Variants in EXOC4 observed in about 807,000 individuals in gnomAD.
The protein encoded by EXOC4 is SEC8-like 1.
EXOC4 carries 71 observed loss-of-function variants against 107.2 expected under a neutral mutation model. The ratio of observed to expected loss-of-function variants is 0.66; its 90% CI spans 0.55 to 0.81. EXOC4 has a LOEUF of 0.81. EXOC4 is among the 30% of genes least tolerant of loss of function. The pLI is 0.00. For missense variants in EXOC4, 1,108 were observed against 1,189.6 expected (o/e 0.93, Z 1.01); for synonymous variants, 456 against 441.2 (o/e 1.03, Z -0.42).
At position 133,656,626 on chromosome 7, in the gene EXOC4, C is replaced by T. The variant is rs114684368; in HGVS notation, c.1514+26485C>T. 5.6e-3 allele frequency among the ~76,000 whole-genome samples: 860 copies of T among 152,224 alleles called. 7 individuals are homozygous for T. Among genetic ancestry groups the T allele is most frequent in the African/African-American group, 0.02 (820 of 41,528 alleles). ...TTGTGAAGACTTCAGTGAATCCTTA[C>T]AGAACAAAAACACAAGTGCCTACCT... On this transcript the variant is annotated intron_variant, in intron 10 of 17. Coordinates refer to ENST00000253861, the MANE Select transcript of EXOC4 (RefSeq NM_021807.4).
intron 14 of EXOC4, among the ~76,000 whole-genome samples, chr7:133,940,694 A>G (rs2116740369): frequency 6.6e-6 from 1 of 152,290 alleles, no homozygotes; most frequent in Non-Finnish European, 1.5e-5. Context: ...TGAACAAAGC[A>G]GGGGATTCTC....
At chr7:134,085,602 A>G in the EXOC4 span, among the ~76,000 whole-genome samples, 5 of 152,206 alleles carry the variant, frequency 3.3e-5, no homozygotes, top group African/African-American at 4.8e-5. Flanking sequence ...CCAAAAGCAC[A>G]TCTCCTTAGA....
chr7:133,325,759 G>A (rs915964543), intron 5 of EXOC4, among the ~76,000 whole-genome samples: 2 of 152,172 alleles, frequency 1.3e-5, no homozygotes, highest in East Asian at 3.9e-4. Flanking sequence ...ATGTGGGCCT[G>A]CCTTGCTAGG....
chr7:133,480,191 T>G (rs751704645), intron 9 of EXOC4, 53 bp downstream of exon 9: 1 of 1,596,480 alleles, frequency 6.3e-7, no homozygotes, highest in East Asian at 2.2e-5. Flanking sequence ...AGTATTTCCT[T>G]TATTACACAT....
At chr7:134,049,001 G>T (rs1795722314) in intron 17 of EXOC4, among the ~76,000 whole-genome samples, 1 of 152,156 alleles carries the variant, frequency 6.6e-6, no homozygotes, top group East Asian at 1.9e-4. Flanking sequence ...AAAATCGTCT[G>T]TTTCCAGATT....
At chr7:133,383,571 A>G (rs1796664544) in intron 7 of EXOC4, among the ~76,000 whole-genome samples, 2 of 152,202 alleles carry the variant, frequency 1.3e-5, no homozygotes, top group Admixed American at 1.3e-4. Flanking sequence ...GTTTGCTGTC[A>G]GGTAAGAGAA....
At chr7:133,735,841 C>T (rs1038191314) in intron 10 of EXOC4, among the ~76,000 whole-genome samples, 2 of 152,120 alleles carry the variant, frequency 1.3e-5, no homozygotes, top group Non-Finnish European at 2.9e-5. Flanking sequence ...AATCTCAGCA[C>T]CTTGGGAGGC....
chr7:133,309,906 T>G (rs1255772115), intron 4 of EXOC4, among the ~76,000 whole-genome samples: 3 of 152,020 alleles, frequency 2.0e-5, no homozygotes, highest in Non-Finnish European at 4.4e-5. Context: ...CACCACTGCA[T>G]TCCAGCCTGG....
chr7:133,720,557 A>G (rs1386308313), intron 10 of EXOC4, among the ~76,000 whole-genome samples: 3 of 152,152 alleles, frequency 2.0e-5, no homozygotes, highest in Non-Finnish European at 4.4e-5. Flanking sequence ...CTTTTGGAAT[A>G]TATCAAGTTA....
intron 7 of EXOC4, among the ~76,000 whole-genome samples, chr7:133,393,825 G>T (rs1211410810): frequency 6.6e-6 from 1 of 152,198 alleles, no homozygotes; most frequent in Non-Finnish European, 1.5e-5. Flanking sequence ...GTGGCATTTT[G>T]TTGTAGTGGT....
intron 10 of EXOC4, among the ~76,000 whole-genome samples, chr7:133,742,917 T>C (rs904350058): frequency 1.3e-5 from 2 of 152,184 alleles, no homozygotes; most frequent in South Asian, 4.1e-4. Context: ...TTTTTGCTTT[T>C]CCCAACTGCC....
At chr7:133,705,757 G>A (rs2041996) in intron 10 of EXOC4, among the ~76,000 whole-genome samples, 54,881 of 152,042 alleles carry the variant, frequency 0.36, 12,396 homozygotes, top group East Asian at 0.54. Flanking sequence ...TAAAACGCAC[G>A]GATACACTAG....
intron 9 of EXOC4, among the ~76,000 whole-genome samples, chr7:133,608,245 A>G (rs1801994791): frequency 6.6e-6 from 1 of 152,148 alleles, no homozygotes; most frequent in African/African-American, 2.4e-5. Flanking sequence ...CAGGATGAGG[A>G]GTAAAGTGAA....
At chr7:133,576,461 A>G (rs529794474) in intron 9 of EXOC4, 2 of 1,262,084 alleles carry the variant, frequency 1.6e-6, no homozygotes, top group East Asian at 5.6e-5. Flanking sequence ...TATTTAACCC[A>G]TTTATAGAGG....
intron 13 of EXOC4, among the ~76,000 whole-genome samples, chr7:133,922,640 G>A (rs1347442930): frequency 6.6e-6 from 1 of 152,136 alleles, no homozygotes; most frequent in Non-Finnish European, 1.5e-5. Context: ...GAGGTCAGGA[G>A]ATCGAGACCA....
chr7:133,420,966 GAA>G (rs995290693), intron 7 of EXOC4, among the ~76,000 whole-genome samples: 1 of 147,298 alleles, frequency 6.8e-6, no homozygotes, highest in African/African-American at 2.5e-5. Context: ...TTGGGCTTAA[GAA>G]AAAAAAAATT....
At chr7:133,311,793 GAT>G (rs1293906623) in intron 4 of EXOC4, among the ~76,000 whole-genome samples, 2 of 152,120 alleles carry the variant, frequency 1.3e-5, no homozygotes, top group African/African-American at 4.8e-5. Flanking sequence ...AGTAAAGCGG[GAT>G]ATAGACTGTT....
intron 14 of EXOC4, among the ~76,000 whole-genome samples, chr7:133,957,702 A>G (rs1005680305): frequency 1.3e-5 from 2 of 152,220 alleles, no homozygotes; most frequent in African/African-American, 2.4e-5. Flanking sequence ...AGGAGCTTCT[A>G]TTCGCTTCAG....
At chr7:133,920,391 T>A (rs750890408) in intron 13 of EXOC4, among the ~76,000 whole-genome samples, 2 of 152,232 alleles carry the variant, frequency 1.3e-5, no homozygotes, top group Non-Finnish European at 2.9e-5. Context: ...CAACATATTT[T>A]TGTGCTTTTC....
Sources: allele counts gnomAD v4.1 joint callset (sites outside exome capture counted in the v4.1 genomes callset), GRCh38; gene constraint gnomAD v4.1.1; transcripts MANE v1.5; gene names NCBI Gene and HGNC (gene_info 2026-07-23, HGNC 2026-07-21).